VWA5B2: variants seen among roughly 807,000 people sequenced by gnomAD.
VWA5B2 encodes the protein von Willebrand factor A domain containing 5B2.
VWA5B2 carries 93 observed loss-of-function variants against 118.5 expected under a neutral mutation model. The observed-to-expected ratio is 0.79, with a 90% CI of 0.66 to 0.93. The LOEUF is 0.93. Among genes scored for constraint, VWA5B2 ranks in the 40% least tolerant of loss-of-function variants. The pLI, the probability that VWA5B2 is intolerant of heterozygous loss-of-function variation, is 0.00. For missense variants in VWA5B2, 1,546 were observed against 1,672.8 expected (o/e 0.92, Z 1.32); for synonymous variants, 708 against 716.3 (o/e 0.99, Z 0.19).
chr3:184,230,970 C>T (rs924332493), intron 3 of VWA5B2, 53 bp downstream of exon 3: 2 of 1,206,982 alleles, frequency 1.7e-6, no homozygotes, highest in Non-Finnish European at 1.0e-6. Flanking sequence ...GCAGCTCAGG[C>T]TCCCGCATCC....
chr3:184,239,490 C>T lies in VWA5B2; in HGVS notation c.2299C>T (p.Pro767Ser), dbSNP rs572807568. 1.9e-6 allele frequency: 3 copies of T among 1,549,998 alleles called. No homozygotes were observed. In the African/African-American group the frequency reaches 4.1e-5, roughly 21 times the overall value. The change falls in exon 15 of 20, where the codon CCC becomes TCC. Residue 767 changes from proline to serine, a missense_variant. Transcript: ENST00000691901. The surrounding 1 kb of genome is among the most constrained non-coding windows in gnomAD (Gnocchi z 5.1). ...CCCTCCAGGCCGGGCAAACCAAGTC[C>T]CCGGCCGACCCCGGAAACCCTCTTT... The part of the protein sequence containing the change: ...SSPPGRANQV[P>S]GRPRKPSLGA...
chr3:184,233,809 G>T lies in VWA5B2; in HGVS notation c.688+76G>T. 4 of 1,516,846 alleles carry T rather than the reference G, an allele frequency of 2.6e-6. No individual in the cohort carries two copies. In the Admixed American group the frequency reaches 8.2e-5, roughly 31 times the overall value. The allele number at this position is 1,516,846 out of a possible 1,614,324, so 94.0% of individuals were successfully genotyped here. On this transcript the variant is annotated intron_variant, in intron 5 of 19. Coordinates refer to ENST00000691901, the MANE Select transcript of VWA5B2 (RefSeq NM_001390846.1). This position sits in a 1 kb window ranked among gnomAD's most constrained non-coding sequence, Gnocchi z 5.2. ...GTGTAGTGACTGGAAGGGAAATAAG[G>T]CTCAGGGATAGGAGGGACACAGGAC...
intron 3 of VWA5B2, among the ~76,000 whole-genome samples, chr3:184,232,216 C>T (rs1234452948): frequency 6.6e-6 from 1 of 152,022 alleles, no homozygotes. Context: ...ATGTTGGGTG[C>T]TTTGCATACA....
intron 16 of VWA5B2, chr3:184,240,319 C>T (rs1021317043): frequency 2.8e-5 from 11 of 399,146 alleles, no homozygotes; most frequent in African/African-American, 1.6e-4. Flanking sequence ...CAGAGGGCAA[C>T]GTGATCCTGT....
At chr3:184,235,345 G>T in intron 8 of VWA5B2, 37 bp downstream of exon 8, 1 of 1,542,318 alleles carries the variant, frequency 6.5e-7, no homozygotes, top group South Asian at 1.2e-5. Context: ...CCTGGGGGTT[G>T]GGTGGGGCAG....
At chr3:184,234,978 A>C (rs1240346052) in intron 7 of VWA5B2, 175 bp from the exon 8 acceptor site, 3 of 1,065,720 alleles carry the variant, frequency 2.8e-6, no homozygotes. Context: ...GCTAGGTCTG[A>C]TATAAACAGA....
chr3:184,241,659 G>A lies in VWA5B2; in HGVS notation c.3350G>A (p.Gly1117Asp), dbSNP rs541656602. Residue 1117 changes from glycine (G) to aspartate (D), a missense_variant, in exon 20 of 20, where the codon GGC becomes GAC. Physicochemically the swap from Gly to Asp is moderately conservative, Grantham distance 94. Coordinates refer to ENST00000691901, the MANE Select transcript of VWA5B2 (RefSeq NM_001390846.1). The surrounding 1 kb of genome is among the most constrained non-coding windows in gnomAD (Gnocchi z 5.1). ...LPWALLGPGVGQGDSATASCS... is the reference protein window; with the variant it reads ...LPWALLGPGVDQGDSATASCS... ...TGGGCACTTCTGGGCCCTGGTGTTG[G>A]CCAGGGTGACAGTGCCACGGCCTCC... The A allele has an allele frequency of 2.0e-6, 3 of 1,535,026 alleles. No homozygotes were observed. In the African/African-American group the frequency reaches 4.1e-5, roughly 21 times the overall value.
In VWA5B2 at chr3:184,239,400, G is replaced by A. The variant is rs1345989886; in HGVS notation, c.2209G>A (p.Ala737Thr). 3 of 1,540,204 alleles carry A rather than the reference G, an allele frequency of 1.9e-6. No homozygotes were observed. Among genetic ancestry groups the A allele is most frequent in the South Asian group, 1.2e-5 (1 of 83,320 alleles). Residue 737 changes from alanine (A) to threonine (T), a missense_variant, in exon 15 of 20, where the codon GCC becomes ACC. Around this residue, in one of 3 missense-constraint regions of VWA5B2, gnomAD observed 763 missense variants for 766.6 expected, o/e 1.00. Transcript: ENST00000691901. The surrounding 1 kb of genome is among the most constrained non-coding windows in gnomAD (Gnocchi z 5.1). Reference sequence around the variant, plus strand: ...CCCCATATCTCACATGCAGGTGGGGGCCTTGAGTACTGAGGTGCTGGGCCG... The same window carrying A: ...CCCCATATCTCACATGCAGGTGGGGACCTTGAGTACTGAGGTGCTGGGCCG... ...APTPAPFKVGALSTEVLGRQH... is the reference protein window; with the variant it reads ...APTPAPFKVGTLSTEVLGRQH...
chr3:184,241,838 G>A lies in VWA5B2; in HGVS notation c.3529G>A (p.Glu1177Lys), dbSNP rs1286453122. The A allele has an allele frequency of 5.9e-6, 9 of 1,534,032 alleles. No individual in the cohort carries two copies. The Admixed American group carries it at 1.4e-4, about 24-fold the overall frequency. Residue 1177 changes from glutamate to lysine, a missense_variant, in exon 20 of 20, where the codon GAG becomes AAG. Glu to Lys is a moderately conservative substitution (Grantham distance 56, BLOSUM62 1). Around this residue, in one of 3 missense-constraint regions of VWA5B2, gnomAD observed 763 missense variants for 766.6 expected, o/e 1.00. Transcript: ENST00000691901. This position sits in a 1 kb window ranked among gnomAD's most constrained non-coding sequence, Gnocchi z 5.1. ...WATAVALAWLEHRCAAAFDEW... is the reference protein window; with the variant it reads ...WATAVALAWLKHRCAAAFDEW... ...CACTGCCGTAGCACTCGCCTGGCTG[G>A]AGCACCGATGCGCCGCTGCCTTCGA...
Position 184,234,655 on chromosome 3 carries a change from T to C in VWA5B2, c.845T>C (p.Leu282Pro). The change falls in exon 7 of 20, where the codon CTG becomes CCG. Residue 282 changes from leucine to proline, a missense_variant. Around this residue, in one of 3 missense-constraint regions of VWA5B2, gnomAD observed 775 missense variants for 882.3 expected, o/e 0.88. Transcript: ENST00000691901. Reference sequence around the variant, plus strand: ...GAGCCCCATCAGCCACACCTGATGCTGGAGGGCGGCAGCCTGAGCTCAGCA... The same window carrying C: ...GAGCCCCATCAGCCACACCTGATGCCGGAGGGCGGCAGCCTGAGCTCAGCA... ...PSEPHQPHLM[L>P]EGGSLSSAEY... is the part of the protein sequence containing the mutation. 6.4e-7 allele frequency: 1 copy of C among 1,551,290 alleles called. No individual in the cohort carries two copies. Among genetic ancestry groups the C allele is most frequent in the Middle Eastern group, 1.7e-4 (1 of 5,948 alleles).
At chr3:184,231,632 C>T (rs1235049199) in intron 3 of VWA5B2, among the ~76,000 whole-genome samples, 3 of 152,226 alleles carry the variant, frequency 2.0e-5, no homozygotes, top group Admixed American at 6.5e-5. Context: ...CCCGCTGGAG[C>T]ATCTCCAAAT....
Position 184,242,130 on chromosome 3 carries a change from G to A in VWA5B2, c.*92G>A. The stretch of plus-strand genomic sequence containing the variant: ...GGCCTCTTGGTGCTGGGAAAGTGTA[G>A]GCTGGTGCCAGCCTGTCCCCCACTG... On this transcript the variant is annotated 3_prime_UTR_variant, in exon 20 of 20. Coordinates refer to ENST00000691901, the MANE Select transcript of VWA5B2 (RefSeq NM_001390846.1). 6.9e-7 allele frequency: 1 copy of A among 1,459,584 alleles called. No homozygotes were observed. Among genetic ancestry groups the A allele is most frequent in the Non-Finnish European group, 9.2e-7 (1 of 1,087,528 alleles). The allele number at this position is 1,459,584 out of a possible 1,614,324, so 90.4% of individuals were successfully genotyped here. A position where few individuals can be genotyped will look rare whatever the true frequency, so the allele number is the denominator to read the frequency against.
In VWA5B2 at chr3:184,239,343, G is replaced by T; in HGVS notation, c.2203-51G>T. ...GGCCAGCTGTGCACCCATGTATGAT[G>T]GTCAAGGGTTCTGCATTCCTTGACC... On this transcript the variant is annotated intron_variant, in intron 14 of 19. Transcript: ENST00000691901. The surrounding 1 kb of genome is among the most constrained non-coding windows in gnomAD (Gnocchi z 5.1). 1 of 1,469,706 alleles carries T rather than the reference G, an allele frequency of 6.8e-7. No homozygotes were observed. The highest frequency in any genetic ancestry group is 1.4e-5 in the South Asian group (1 of 73,798). The allele number at this position is 1,469,706 out of a possible 1,614,324, so 91.0% of individuals were successfully genotyped here. A position where few individuals can be genotyped will look rare whatever the true frequency, so the allele number is the denominator to read the frequency against.
rs1718748857 is a variant in VWA5B2 at position 184,241,906 on chromosome 3, G to A, written c.3597G>A (p.Arg1199=). 1.3e-6 allele frequency: 2 copies of A among 1,548,178 alleles called. No individual in the cohort carries two copies. The highest frequency in any genetic ancestry group is 2.7e-5 in the African/African-American group (2 of 73,188). ...LTAAKADCWL[R]AQHLPDGLDL... ...CGGCCAAGGCTGATTGCTGGCTGCG[G>A]GCCCAGCACTTGCCTGACGGCCTTG... Residue 1199 remains arginine, a synonymous_variant, in exon 20 of 20, where the codon CGG becomes CGA. Transcript: ENST00000691901. This position sits in a 1 kb window ranked among gnomAD's most constrained non-coding sequence, Gnocchi z 5.1.
Position 184,236,208 on chromosome 3 carries a change from C to T in VWA5B2, c.1158C>T (p.Ala386=), listed in dbSNP as rs185248797. Reference sequence around the variant, plus strand: ...CGCCCCAGACGCTTATCAACCTGGCCGTGTTTGGGACGTTGGTGCAGCCAC... The same window carrying T: ...CGCCCCAGACGCTTATCAACCTGGCTGTGTTTGGGACGTTGGTGCAGCCAC... ...SLPPQTLINL[A]VFGTLVQPLF... The change falls in exon 9 of 20, where the codon GCC becomes GCT. Residue 386 remains alanine, a synonymous_variant. Transcript: ENST00000691901. 274 of 1,551,772 alleles carry T rather than the reference C, an allele frequency of 1.8e-4. 2 individuals carry two copies. In the East Asian group the frequency reaches 4.9e-3, roughly 28 times the overall value.
chr3:184,234,822 C>A (rs1033402029), intron 7 of VWA5B2, 67 bp downstream of exon 7: 1 of 1,545,028 alleles, frequency 6.5e-7, no homozygotes, highest in African/African-American at 1.4e-5. Flanking sequence ...AGCAGGCAAG[C>A]AGGCTTACAT....
chr3:184,236,402 A>C lies in VWA5B2; in HGVS notation c.1272A>C (p.Pro424=). 6.5e-7 allele frequency: 1 copy of C among 1,546,224 alleles called. No individual in the cohort carries two copies. The highest frequency in any genetic ancestry group is 8.7e-7 in the Non-Finnish European group (1 of 1,144,502). ...IETLQVPSGP[P]DVLAALDWAV... is the part of the protein sequence containing the mutation. ...CCCTGCAGGTTCCGAGTGGGCCCCC[A>C]GACGTGCTGGCTGCTCTGGACTGGG... The change falls in exon 10 of 20, where the codon CCA becomes CCC. Residue 424 remains proline (P), a synonymous_variant. Transcript: ENST00000691901.
intron 1 of VWA5B2, among the ~76,000 whole-genome samples, 119 bp from the exon 2 acceptor site, chr3:184,230,261 C>G (rs1332575186): frequency 6.6e-6 from 1 of 152,156 alleles, no homozygotes; most frequent in Non-Finnish European, 1.5e-5. Context: ...TGCTGGGCGC[C>G]GAAGCGCGCG....
In VWA5B2 at chr3:184,230,405, G is replaced by T. The variant is rs1717257850; in HGVS notation, c.-124G>T. 8.5e-7 allele frequency: 1 copy of T among 1,170,604 alleles called. No homozygotes were observed. Among genetic ancestry groups the T allele is most frequent in the Non-Finnish European group, 1.1e-6 (1 of 913,590 alleles). The allele number at this position is 1,170,604 out of a possible 1,614,324, so 72.5% of individuals were successfully genotyped here. On this transcript the variant is annotated 5_prime_UTR_variant, in exon 2 of 20. Coordinates refer to ENST00000691901, the MANE Select transcript of VWA5B2 (RefSeq NM_001390846.1). ...GAGCTCCCGCTCGGCCTCGCGCCCC[G>T]GCAGGCCCCGTCCGGGTGCTGGAGT...
Sources: gnomAD v4.1 joint callset for allele counts (sites outside exome capture counted in the v4.1 genomes callset) on GRCh38, gnomAD v4.1.1 for gene constraint, gnomAD v4.1.1 regional missense constraint, Gnocchi (gnomAD v3.1) non-coding constraint, MANE v1.5 for transcripts, NCBI Gene and HGNC (gene_info 2026-07-23, HGNC 2026-07-21) for gene names.